Variants in NEK9 observed in about 807,000 individuals in gnomAD.
NEK9 encodes the protein serine/threonine-protein kinase Nek9.
NEK9 carries 75 observed loss-of-function variants against 123.4 expected under a neutral mutation model. The observed-to-expected ratio is 0.61, with a 90% CI of 0.50 to 0.74. The LOEUF (loss-of-function observed/expected upper bound fraction) is 0.74, where lower values mean the gene tolerates loss of function less well. Among genes scored for constraint, NEK9 ranks in the 30% least tolerant of loss-of-function variants. The pLI, the probability that NEK9 is intolerant of heterozygous loss-of-function variation, is 0.00. For synonymous variants in NEK9, 438 were observed against 458.7 expected (o/e 0.95, Z 0.58); for missense variants, 952 against 1,214.4 (o/e 0.78, Z 3.21).
intron 21 of NEK9, among the ~76,000 whole-genome samples, chr14:75,085,578 C>T (rs566119271): frequency 1.3e-5 from 2 of 152,156 alleles, no homozygotes; most frequent in African/African-American, 4.8e-5. Flanking sequence ...CTAATCAAGC[C>T]TTAGGTTAAA....
chr14:75,122,346 G>T (rs1197726767), intron 2 of NEK9, among the ~76,000 whole-genome samples: 1 of 152,174 alleles, frequency 6.6e-6, no homozygotes, highest in Admixed American at 6.5e-5. Context: ...AGTCGTAAGT[G>T]ACGAATATGC....
intron 17 of NEK9, among the ~76,000 whole-genome samples, chr14:75,096,160 G>A (rs1317369453): frequency 2.0e-5 from 3 of 151,622 alleles, no homozygotes; most frequent in African/African-American, 4.8e-5. Context: ...GTACACTCCT[G>A]TAGTCCCAGC....
At chr14:75,088,414 A>G in intron 20 of NEK9, 66 bp downstream of exon 20, 1 of 1,524,736 alleles carries the variant, frequency 6.6e-7, no homozygotes, top group Non-Finnish European at 9.0e-7. Context: ...CGAGGCCAGA[A>G]GAACCAGGCA....
intron 14 of NEK9, 30 bp from the exon 15 acceptor site, chr14:75,101,795 C>A: frequency 1.3e-6 from 2 of 1,496,200 alleles, no homozygotes; most frequent in Non-Finnish European, 1.9e-6. Flanking sequence ...AAAGCAGATG[C>A]ATGAGGTAAG....
intron 7 of NEK9, 102 bp from the exon 8 acceptor site, chr14:75,113,505 T>C: frequency 1.2e-6 from 1 of 819,456 alleles, no homozygotes; most frequent in Non-Finnish European, 2.0e-6. Flanking sequence ...CCTTTTGTTT[T>C]AAAAATCATT....
upstream of NEK9, chr14:75,127,057 C>T (rs1594858590): frequency 3.1e-6 from 2 of 642,606 alleles, no homozygotes; most frequent in Non-Finnish European, 5.1e-6. Flanking sequence ...GTGGCTCCTG[C>T]CCCCCGACCC....
At chr14:75,108,826 A>C (rs1566652943) in intron 10 of NEK9, among the ~76,000 whole-genome samples, 1 of 152,112 alleles carries the variant, frequency 6.6e-6, no homozygotes, top group Non-Finnish European at 1.5e-5. Flanking sequence ...AAGTGCTGAG[A>C]CTTCAGTTGT....
Position 75,084,612 on chromosome 14 carries a change from T to G in NEK9, c.2892A>C (p.Ser964=), listed in dbSNP as rs1893961931. Residue 964 remains serine, a synonymous_variant, in exon 22 of 22, where the codon TCA becomes TCC. Coordinates refer to ENST00000238616, the MANE Select transcript of NEK9 (RefSeq NM_033116.6). ...CTGTTCCCAGGAGGCACCAGGAATC[T>G]GAATCTAAGTCAGGCTTTGGATCCA... ...MEMDPKPDLD[S]DSWCLLGTDS... 6.2e-7 allele frequency: 1 copy of G among 1,614,202 alleles called. No individual in the cohort carries two copies. Among genetic ancestry groups the G allele is most frequent in the South Asian group, 1.1e-5 (1 of 91,080 alleles).
At chr14:75,110,400 G>C (rs1247192550) in intron 8 of NEK9, 29 bp from the exon 9 acceptor site, 5 of 1,576,192 alleles carry the variant, frequency 3.2e-6, no homozygotes, top group Non-Finnish European at 4.4e-6. Context: ...AGATACATGA[G>C]TGAAATAATA....
Position 75,084,473 on chromosome 14 carries a change from C to T in NEK9, c.*91G>A. Reference sequence around the variant, plus strand: ...CTTGCGCTCCTTTTCTGCAAGTGAACAAAGCCAGGAAAGCTGCTCTCTGCA... The same window carrying T: ...CTTGCGCTCCTTTTCTGCAAGTGAATAAAGCCAGGAAAGCTGCTCTCTGCA... On this transcript the variant is annotated 3_prime_UTR_variant, in exon 22 of 22. Coordinates refer to ENST00000238616, the MANE Select transcript of NEK9 (RefSeq NM_033116.6). The T allele has an allele frequency of 6.6e-7, 1 of 1,522,016 alleles. No homozygotes were observed. Among genetic ancestry groups the T allele is most frequent in the African/African-American group, 1.4e-5 (1 of 72,204 alleles). The allele number at this position is 1,522,016 out of a possible 1,614,324, so 94.3% of individuals were successfully genotyped here. A position where few individuals can be genotyped will look rare whatever the true frequency, so the allele number is the denominator to read the frequency against.
At chr14:75,127,071 A>C, upstream of NEK9, 1 of 599,666 alleles carries the variant, frequency 1.7e-6, no homozygotes, top group Non-Finnish European at 2.8e-6. Flanking sequence ...CCGACCCGGA[A>C]ACAGTTCTCT....
chr14:75,120,465 G>T, intron 4 of NEK9, 45 bp downstream of exon 4: 2 of 1,401,630 alleles, frequency 1.4e-6, no homozygotes, highest in Non-Finnish European at 2.0e-6. Flanking sequence ...GGTAGGGGCT[G>T]AATTGGTAGG....
chr14:75,089,575 G>A (rs1395698281), intron 19 of NEK9, among the ~76,000 whole-genome samples: 6 of 149,334 alleles, frequency 4.0e-5, no homozygotes, highest in African/African-American at 7.4e-5. Context: ...TCACTCTGTC[G>A]CCCAGGCTGG....
chr14:75,127,116 G>T, upstream of NEK9: 1 of 534,086 alleles, frequency 1.9e-6, no homozygotes, highest in Non-Finnish European at 3.3e-6. Context: ...CTCCGCCTTT[G>T]CTTACCCTCT....
At chr14:75,126,003 A>C (rs1895511618) in intron 1 of NEK9, among the ~76,000 whole-genome samples, 1 of 152,212 alleles carries the variant, frequency 6.6e-6, no homozygotes, top group Non-Finnish European at 1.5e-5. Flanking sequence ...CATATGTGCA[A>C]ATGTGTTGAT....
At chr14:75,117,352 A>G (rs371286529) in intron 5 of NEK9, 26 bp from the exon 6 acceptor site, 92 of 1,587,220 alleles carry the variant, frequency 5.8e-5, no homozygotes, top group Non-Finnish European at 7.4e-5. Flanking sequence ...ACAATCAAAG[A>G]ATAACTTCTT....
At chr14:75,104,039 T>C (rs1020814572) in intron 13 of NEK9, 42 bp from the exon 14 acceptor site, 6 of 1,559,800 alleles carry the variant, frequency 3.8e-6, no homozygotes, top group Non-Finnish European at 5.2e-6. Flanking sequence ...AAATATATAA[T>C]TCGTATTAGA....
Position 75,087,032 on chromosome 14 carries a change from C to CTA in NEK9, c.2801_2802dup (p.Glu935Ter), listed in dbSNP as rs781499205. The CTA allele has an allele frequency of 1.9e-6, 3 of 1,614,222 alleles. No homozygotes were observed. Among genetic ancestry groups the CTA allele is most frequent in the Non-Finnish European group, 2.5e-6 (3 of 1,180,006 alleles). Reference sequence around the variant, plus strand: ...AATGCTCTCACCTGCTGCCCTCCTTCTAATTTCTTGTTCAACTTCTGCAGT... The same window carrying CTA: ...AATGCTCTCACCTGCTGCCCTCCTTCTATAATTTCTTGTTCAACTTCTGCAGT... On this transcript the variant is annotated frameshift_variant, in exon 21 of 22. Coordinates refer to ENST00000238616, the MANE Select transcript of NEK9 (RefSeq NM_033116.6). LOFTEE classifies it high-confidence loss of function.
chr14:75,090,371 T>A (rs1363511316), intron 19 of NEK9, among the ~76,000 whole-genome samples: 2 of 150,490 alleles, frequency 1.3e-5, no homozygotes, highest in African/African-American at 4.9e-5. Context: ...CAAAGGAAAC[T>A]AATAAAATTC....
Sources: allele counts gnomAD v4.1 joint callset (sites outside exome capture counted in the v4.1 genomes callset), GRCh38; gene constraint gnomAD v4.1.1; transcripts MANE v1.5; gene names NCBI Gene and HGNC (gene_info 2026-07-23, HGNC 2026-07-21).